Variants in GRIA1 observed in about 807,000 individuals in gnomAD.
GRIA1 encodes the protein glutamate ionotropic receptor AMPA type subunit 1, also known as glutamate receptor 1.
In GRIA1, 31 loss-of-function variants were observed where a neutral mutation model predicts 99.2. The observed-to-expected ratio is 0.31, with a 90% CI of 0.23 to 0.42. The LOEUF (loss-of-function observed/expected upper bound fraction) is 0.42, where lower values mean the gene tolerates loss of function less well. Among genes scored for constraint, GRIA1 ranks in the 10% least tolerant of loss-of-function variants. GRIA1 has a pLI of 1.00. For synonymous variants in GRIA1, 438 were observed against 432.4 expected, an observed-to-expected ratio of 1.01 and a Z score of -0.16; for missense variants, 782 against 1,157.5, an observed-to-expected ratio of 0.68 and a Z score of 4.71.
chr5:153,747,810 T>TA (rs1334345153), intron 11 of GRIA1, among the ~76,000 whole-genome samples: 6 of 152,246 alleles, frequency 3.9e-5, no homozygotes, highest in Non-Finnish European at 1.5e-5. Context: ...TGCATGTCCT[T>TA]AGCACTTAAT....
upstream of GRIA1, chr5:153,489,618 A>C (rs1698499892): frequency 6.8e-6 from 2 of 296,080 alleles, no homozygotes; most frequent in Middle Eastern, 9.4e-4. Flanking sequence ...TTCCTTCAAA[A>C]ACTGTATTCT....
chr5:153,759,559 A>AT (rs1197707365), intron 11 of GRIA1, among the ~76,000 whole-genome samples: 1 of 152,038 alleles, frequency 6.6e-6, no homozygotes, highest in Non-Finnish European at 1.5e-5. Context: ...TGAATCAGTA[A>AT]TAAAAAGTCT....
chr5:153,526,676 G>A (rs1757628742), intron 2 of GRIA1, among the ~76,000 whole-genome samples: 3 of 152,190 alleles, frequency 2.0e-5, no homozygotes, highest in Non-Finnish European at 4.4e-5. Flanking sequence ...TAAAAATACT[G>A]TTCACATGCT....
intron 2 of GRIA1, among the ~76,000 whole-genome samples, chr5:153,531,180 G>T (rs1242461493): frequency 6.6e-6 from 1 of 152,192 alleles, no homozygotes; most frequent in Non-Finnish European, 1.5e-5. Flanking sequence ...TTTTAGGTGG[G>T]TACAAGTTGA....
chr5:153,666,608 C>T (rs554533298), intron 5 of GRIA1, among the ~76,000 whole-genome samples: 10 of 152,256 alleles, frequency 6.6e-5, no homozygotes, highest in African/African-American at 2.4e-4. Flanking sequence ...TGGTCTCTGT[C>T]CCTCACTAGC....
intron 10 of GRIA1, among the ~76,000 whole-genome samples, chr5:153,700,969 G>C (rs1758474714): frequency 6.6e-6 from 1 of 152,164 alleles, no homozygotes; most frequent in South Asian, 2.1e-4. Flanking sequence ...CTCTCACTTT[G>C]GGAAGCTCCA....
At chr5:153,503,240 A>G (rs1484749239) in intron 2 of GRIA1, among the ~76,000 whole-genome samples, 1 of 152,226 alleles carries the variant, frequency 6.6e-6, no homozygotes, top group African/African-American at 2.4e-5. Context: ...ACAATTTCCA[A>G]TGAAATTGAA....
At chr5:153,720,369 A>T (rs891363140) in intron 11 of GRIA1, among the ~76,000 whole-genome samples, 1 of 152,214 alleles carries the variant, frequency 6.6e-6, no homozygotes, top group East Asian at 1.9e-4. Flanking sequence ...AAGAGACAGG[A>T]GGAGCATTAG....
chr5:153,503,150 C>G (rs887181899), intron 2 of GRIA1, among the ~76,000 whole-genome samples: 1 of 152,030 alleles, frequency 6.6e-6, no homozygotes, highest in African/African-American at 2.4e-5. Context: ...AAAAACAGTG[C>G]TGTGATATTT....
At position 153,693,638 on chromosome 5, in the gene GRIA1, A is replaced by C. The variant is rs543457740; in HGVS notation, c.1135-4406A>C. 9.2e-5 allele frequency among the ~76,000 whole-genome samples: 14 copies of C among 152,318 alleles called. No homozygotes were observed. The South Asian group carries it at 2.7e-3, about 29-fold the overall frequency. On this transcript the variant is annotated intron_variant, in intron 8 of 15. Transcript: ENST00000285900. The stretch of plus-strand genomic sequence containing the variant: ...TAGATTCATTTTCTACATTCAAAGA[A>C]TCTTTAGAGGTAGATGGAAAACACG...
intron 2 of GRIA1, among the ~76,000 whole-genome samples, chr5:153,550,269 G>A (rs913903400): frequency 1.6e-4 from 25 of 152,124 alleles, no homozygotes; most frequent in Non-Finnish European, 3.4e-4. Flanking sequence ...GGGTAAAGAC[G>A]TGTACACACA....
intron 11 of GRIA1, among the ~76,000 whole-genome samples, chr5:153,718,906 A>T (rs1295350213): frequency 6.6e-6 from 1 of 152,190 alleles, no homozygotes; most frequent in South Asian, 2.1e-4. Flanking sequence ...AGCATCACTC[A>T]TCCCATCCCA....
intron 2 of GRIA1, among the ~76,000 whole-genome samples, chr5:153,599,081 AC>A (rs1352015613): frequency 6.6e-6 from 1 of 151,906 alleles, no homozygotes; most frequent in Non-Finnish European, 1.5e-5. Flanking sequence ...ATGGGGTTTC[AC>A]CCTGTTAGCC....
chr5:153,495,386 A>G (rs1017975320), intron 2 of GRIA1, among the ~76,000 whole-genome samples: 4 of 152,172 alleles, frequency 2.6e-5, no homozygotes, highest in African/African-American at 7.2e-5. Flanking sequence ...AACAGATTAT[A>G]TAACTTGCCC....
chr5:153,652,151 A>C (rs1363675), intron 4 of GRIA1, among the ~76,000 whole-genome samples: 61,714 of 152,030 alleles, frequency 0.41, 13,221 homozygotes, highest in Non-Finnish European at 0.45. Flanking sequence ...TTCTTGAGTC[A>C]CTTTCTTCCT....
At chr5:153,693,374 A>G (rs1757895979) in intron 8 of GRIA1, among the ~76,000 whole-genome samples, 1 of 152,188 alleles carries the variant, frequency 6.6e-6, no homozygotes, top group Non-Finnish European at 1.5e-5. Context: ...CATGGAAGGA[A>G]AATAAGAATG....
At chr5:153,802,639 C>T (rs758419256) in intron 15 of GRIA1, 149 bp downstream of exon 15, 64 of 807,820 alleles carry the variant, frequency 7.9e-5, no homozygotes, top group Non-Finnish European at 1.1e-4. Context: ...AGGAAGGTGA[C>T]GGGGACAAAG....
chr5:153,590,253 A>G (rs1763847873), intron 2 of GRIA1, among the ~76,000 whole-genome samples: 1 of 152,160 alleles, frequency 6.6e-6, no homozygotes, highest in African/African-American at 2.4e-5. Flanking sequence ...GATGATAGTA[A>G]AAGCCTCCAA....
intron 14 of GRIA1, among the ~76,000 whole-genome samples, chr5:153,798,057 G>A (rs1183206275): frequency 6.6e-6 from 1 of 152,192 alleles, no homozygotes; most frequent in Non-Finnish European, 1.5e-5. Flanking sequence ...GTCCAGTTCT[G>A]TGTTCAGTGC....
Sources: gnomAD v4.1 joint callset for allele counts (sites outside exome capture counted in the v4.1 genomes callset) on GRCh38, gnomAD v4.1.1 for gene constraint, MANE v1.5 for transcripts, NCBI Gene and HGNC (gene_info 2026-07-23, HGNC 2026-07-21) for gene names.